Variants in SAYSD1 observed in about 807,000 individuals in gnomAD.
SAYSD1 encodes SAYSvFN domain-containing protein 1.
SAYSD1 carries 15 observed loss-of-function variants against 14.5 expected under a neutral mutation model. The observed-to-expected ratio is 1.03, with a 90% CI of 0.69 to 1.59. SAYSD1 has a LOEUF of 1.59. Ranked by LOEUF, SAYSD1 falls within the 40% of genes most tolerant of loss-of-function variation. The probability of loss-of-function intolerance (pLI) is 0.00; values close to 1 mark genes in which losing one functional copy is unlikely to be tolerated. For synonymous variants in SAYSD1, 105 were observed against 102.6 expected (o/e 1.02, Z -0.14); for missense variants, 247 against 227.3 (o/e 1.09, Z -0.56).
At chr6:39,110,204 T>C (rs1239824992) in intron 1 of SAYSD1, 1 of 152,392 alleles carries the variant, frequency 6.6e-6, no homozygotes, top group Non-Finnish European at 1.5e-5. Flanking sequence ...CCTTCATCTG[T>C]GGATGAACAG....
intron 1 of SAYSD1, chr6:39,112,211 AATG>A (rs1254976559): frequency 6.6e-6 from 1 of 152,648 alleles, no homozygotes; most frequent in Non-Finnish European, 1.5e-5. Flanking sequence ...TAAAGAAATG[AATG>A]ATGACCTTCA....
At chr6:39,110,344 G>T in intron 1 of SAYSD1, 1 of 207,604 alleles carries the variant, frequency 4.8e-6, no homozygotes, top group South Asian at 1.0e-4. Context: ...CTTTACATTT[G>T]GCCTGTGCCA....
chr6:39,106,373 C>T (rs375866471), intron 1 of SAYSD1, among the ~76,000 whole-genome samples: 43 of 152,048 alleles, frequency 2.8e-4, no homozygotes, highest in African/African-American at 9.2e-4. Context: ...ACTAAAAATA[C>T]GAAAATTAGC....
intron 1 of SAYSD1, chr6:39,112,862 AT>A (rs1188326527): frequency 5.9e-5 from 9 of 153,740 alleles, no homozygotes; most frequent in African/African-American, 1.9e-4. Context: ...GAATGCAATC[AT>A]TTAAAAGACT....
chr6:39,108,144 G>A (rs1472179022), intron 1 of SAYSD1, among the ~76,000 whole-genome samples: 2 of 152,156 alleles, frequency 1.3e-5, no homozygotes, highest in African/African-American at 2.4e-5. Context: ...ATCATTTAGG[G>A]AGTATAAAAA....
chr6:39,114,250 C>G (rs1275599980), intron 1 of SAYSD1, among the ~76,000 whole-genome samples: 1 of 152,230 alleles, frequency 6.6e-6, no homozygotes, highest in Admixed American at 6.5e-5. Flanking sequence ...TTAAATTCAT[C>G]TGCAAAACAA....
At chr6:39,112,567 T>C (rs183221819) in intron 1 of SAYSD1, 10 of 152,400 alleles carry the variant, frequency 6.6e-5, no homozygotes, top group African/African-American at 2.2e-4. Flanking sequence ...TCGAATTCAA[T>C]ACCCTAAAAA....
At position 39,105,196 on chromosome 6, in the gene SAYSD1, A is replaced by ATTTTTATTTTTTTTTTTTTATTAT; in HGVS notation, c.*235_*236insATAATAAAAAAAAAAAAATAAAAA. On this transcript the variant is annotated 3_prime_UTR_variant, in exon 2 of 2. Coordinates refer to ENST00000229903, the MANE Select transcript of SAYSD1 (RefSeq NM_018322.3). ...TGAAACAAACAGGTCTCCCTTCTTG[A>ATTTTTATTTTTTTTTTTTTATTAT]GTACATAATTTTTATAAATTGCGTC... 2.0e-6 allele frequency: 1 copy of ATTTTTATTTTTTTTTTTTTATTAT among 509,904 alleles called. No individual in the cohort carries two copies. Among genetic ancestry groups the ATTTTTATTTTTTTTTTTTTATTAT allele is most frequent in the Non-Finnish European group, 3.5e-6 (1 of 285,320 alleles). 31.6% of individuals were successfully genotyped at this position (509,904 alleles called of 1,614,324 possible).
Position 39,115,055 on chromosome 6 carries a change from C to G in SAYSD1, c.35G>C (p.Arg12Pro), listed in dbSNP as rs148721599. ...EQRLAEFRAA[R>P]KRAGLAAQPP... The stretch of plus-strand genomic sequence containing the variant: ...TTGGGCCGCCAGACCCGCCCGTTTC[C>G]GCGCCGCCCGAAACTCAGCTAACCG... Residue 12 changes from arginine (R) to proline (P), a missense_variant, in exon 1 of 2, where the codon CGG becomes CCG. Arg to Pro is a moderately radical substitution (Grantham distance 103). Transcript: ENST00000229903. 3 of 1,610,396 alleles carry G rather than the reference C, an allele frequency of 1.9e-6. No homozygotes were observed. Among genetic ancestry groups the G allele is most frequent in the Non-Finnish European group, 2.5e-6 (3 of 1,179,816 alleles).
In SAYSD1 at chr6:39,105,408, G is replaced by A. The variant is rs766093117; in HGVS notation, c.*24C>T. ...GTGAGGAAGACCACATCAGAGGTTAGCTGCATGACAGCACAGCTGGGTCCT... is the reference window on the plus strand; with the variant it reads ...GTGAGGAAGACCACATCAGAGGTTAACTGCATGACAGCACAGCTGGGTCCT... On this transcript the variant is annotated 3_prime_UTR_variant, in exon 2 of 2. Coordinates refer to ENST00000229903, the MANE Select transcript of SAYSD1 (RefSeq NM_018322.3). The A allele has an allele frequency of 4.4e-6, 7 of 1,599,610 alleles. No homozygotes were observed. The highest frequency in any genetic ancestry group is 6.0e-6 in the Non-Finnish European group (7 of 1,168,722).
At position 39,115,016 on chromosome 6, in the gene SAYSD1, C is replaced by T; in HGVS notation, c.74G>A (p.Ser25Asn). ...CTCTCCTGGGGTTTGTGCGCCCTGACTGGCAGCAGGGGGTTGGGCCGCCAG... is the reference window on the plus strand; with the variant it reads ...CTCTCCTGGGGTTTGTGCGCCCTGATTGGCAGCAGGGGGTTGGGCCGCCAG... ...AGLAAQPPAA[S>N]QGAQTPGEKA... Residue 25 changes from serine to asparagine, a missense_variant, in exon 1 of 2, where the codon AGT becomes AAT. Ser to Asn is a conservative substitution (Grantham distance 46). Coordinates refer to ENST00000229903, the MANE Select transcript of SAYSD1 (RefSeq NM_018322.3). 1 of 1,613,570 alleles carries T rather than the reference C, an allele frequency of 6.2e-7. No homozygotes were observed. The highest frequency in any genetic ancestry group is 1.3e-5 in the African/African-American group (1 of 75,070).
At position 39,114,899 on chromosome 6, in the gene SAYSD1, T is replaced by A. The variant is rs764940509; in HGVS notation, c.191A>T (p.Gln64Leu). Residue 64 changes from glutamine (Q) to leucine (L), a missense_variant, in exon 1 of 2, where the codon CAG becomes CTG. Coordinates refer to ENST00000229903, the MANE Select transcript of SAYSD1 (RefSeq NM_018322.3). The part of the protein sequence containing the change: ...WKPRPASARA[Q>L]PGLVQEAAQP... Reference sequence around the variant, plus strand: ...TCGTCTCACCTGAACTAGGCCGGGCTGGGCCCGGGCACTCGCGGGCCTAGG... The same window carrying A: ...TCGTCTCACCTGAACTAGGCCGGGCAGGGCCCGGGCACTCGCGGGCCTAGG... The A allele has an allele frequency of 3.1e-6, 5 of 1,612,590 alleles. No individual in the cohort carries two copies. The highest frequency in any genetic ancestry group is 3.4e-6 in the Non-Finnish European group (4 of 1,179,854).
rs745828598 is a variant in SAYSD1 at position 39,115,026 on chromosome 6, G to A, written c.64C>T (p.Pro22Ser). Reference sequence around the variant, plus strand: ...GTTTGTGCGCCCTGACTGGCAGCAGGGGGTTGGGCCGCCAGACCCGCCCGT... The same window carrying A: ...GTTTGTGCGCCCTGACTGGCAGCAGAGGGTTGGGCCGCCAGACCCGCCCGT... ...RKRAGLAAQP[P>S]AASQGAQTPG... The change falls in exon 1 of 2, where the codon CCT (proline) becomes TCT (serine). Residue 22 changes from proline to serine, a missense_variant. Coordinates refer to ENST00000229903, the MANE Select transcript of SAYSD1 (RefSeq NM_018322.3). 4 of 1,613,148 alleles carry A rather than the reference G, an allele frequency of 2.5e-6. No homozygotes were observed. Among genetic ancestry groups the A allele is most frequent in the Non-Finnish European group, 3.4e-6 (4 of 1,179,886 alleles).
At position 39,109,395 on chromosome 6, in the gene SAYSD1, T is replaced by C. The variant is rs1280966931; in HGVS notation, c.208-3619A>G. The C allele has an allele frequency of 6.5e-6, 10 of 1,550,162 alleles. 1 individual carries two copies. The highest frequency in any genetic ancestry group is 1.7e-4 in the Middle Eastern group (1 of 6,016). Reference sequence around the variant, plus strand: ...CTTTTCTCCAAGCAAAATCTGGTAGTGGGAAGGAGGATGTAGATACTTCCT... The same window carrying C: ...CTTTTCTCCAAGCAAAATCTGGTAGCGGGAAGGAGGATGTAGATACTTCCT... On this transcript the variant is annotated intron_variant, in intron 1 of 1. Transcript: ENST00000229903.
chr6:39,108,859 A>G (rs1361326619), intron 1 of SAYSD1, among the ~76,000 whole-genome samples: 3 of 152,150 alleles, frequency 2.0e-5, no homozygotes, highest in African/African-American at 7.2e-5. Context: ...CTAATTCACT[A>G]TCACAGTCTA....
intron 1 of SAYSD1, chr6:39,109,601 C>CATATGCATATGCATATCA (rs1769588641): frequency 7.4e-7 from 1 of 1,349,000 alleles, no homozygotes; most frequent in Admixed American, 3.1e-5. Flanking sequence ...ATATACATTA[C>CATATGCATATGCATATCA]AGTTTCTTGA....
chr6:39,111,358 C>A (rs1393866921), intron 1 of SAYSD1: 2 of 150,886 alleles, frequency 1.3e-5, no homozygotes, highest in Non-Finnish European at 3.0e-5. Context: ...TAAACAGCCA[C>A]AGGTTGAAGA....
At chr6:39,109,472 C>T (rs1583667503) in intron 1 of SAYSD1, 25 of 1,518,388 alleles carry the variant, frequency 1.6e-5, no homozygotes, top group Non-Finnish European at 2.2e-5. Context: ...CAGCGAGGCC[C>T]GGGTCGGGGC....
intron 1 of SAYSD1, among the ~76,000 whole-genome samples, chr6:39,108,879 T>C (rs1425047255): frequency 6.6e-6 from 1 of 152,228 alleles, no homozygotes; most frequent in Non-Finnish European, 1.5e-5. Context: ...ACTGGTTTTA[T>C]CTTTTTTCTT....
Sources: gnomAD v4.1 joint callset for allele counts (sites outside exome capture counted in the v4.1 genomes callset) on GRCh38, gnomAD v4.1.1 for gene constraint, MANE v1.5 for transcripts, NCBI Gene and HGNC (gene_info 2026-07-23, HGNC 2026-07-21) for gene names.